GPSM2: variants seen among roughly 807,000 people sequenced by gnomAD.
GPSM2 encodes the protein G protein-signaling modulator 2.
A neutral mutation model predicts 78.4 loss-of-function variants in GPSM2; 58 were observed. That is an observed-to-expected ratio of 0.74 (90% CI 0.60 to 0.92). The LOEUF is 0.92. GPSM2 is among the 40% of genes least tolerant of loss of function. The pLI is 0.00. For missense variants in GPSM2, 700 were observed against 815.5 expected, an observed-to-expected ratio of 0.86 and a Z score of 1.73; for synonymous variants, 224 against 280.2, an observed-to-expected ratio of 0.80 and a Z score of 2.00.
At chr1:108,902,463 G>GCAACC (rs1648900491) in intron 8 of GPSM2, among the ~76,000 whole-genome samples, 1 of 152,094 alleles carries the variant, frequency 6.6e-6, no homozygotes, top group Non-Finnish European at 1.5e-5. Context: ...TGTGAAGGGG[G>GCAACC]CAACTGCTAC....
At chr1:108,897,729 C>T in intron 4 of GPSM2, 102 bp downstream of exon 4, 2 of 1,113,124 alleles carry the variant, frequency 1.8e-6, no homozygotes, top group Non-Finnish European at 2.5e-6. Context: ...AAATTAATAC[C>T]AAAAAAGAAA....
At chr1:108,878,301 C>A (rs571309114) in intron 1 of GPSM2, among the ~76,000 whole-genome samples, 1 of 152,288 alleles carries the variant, frequency 6.6e-6, no homozygotes, top group Admixed American at 6.5e-5. Context: ...CTCACACCTA[C>A]TTCTCTTTAC....
At position 108,933,210 on chromosome 1, in the gene GPSM2, T is replaced by C. The variant is rs1274265534; in HGVS notation, c.*3270T>C. On this transcript the variant is annotated 3_prime_UTR_variant, in exon 15 of 15. Coordinates refer to ENST00000264126, the MANE Select transcript of GPSM2 (RefSeq NM_013296.5). ...TTCCTGGATCCAAAAATGTGTATTC[T>C]GCATTTCAACAACTGAACTTAAGCG... The C allele has an allele frequency of 6.2e-4, 2 of 3,236 alleles. No homozygotes were observed. 0.2% of individuals were successfully genotyped at this position (3,236 alleles called of 1,614,324 possible). A position where few individuals can be genotyped will look rare whatever the true frequency, so the allele number is the denominator to read the frequency against.
chr1:108,923,947 G>T (rs1650926857), intron 13 of GPSM2, 53 bp from the exon 14 acceptor site: 2 of 1,098,590 alleles, frequency 1.8e-6, no homozygotes, highest in African/African-American at 1.7e-5. Context: ...AGGTTTTTTT[G>T]TTTTTTGTTT....
chr1:108,883,584 A>G (rs924151525), intron 1 of GPSM2, among the ~76,000 whole-genome samples: 1 of 152,224 alleles, frequency 6.6e-6, no homozygotes, highest in African/African-American at 2.4e-5. Context: ...TTATGATTGT[A>G]TATCTACCAA....
intron 1 of GPSM2, among the ~76,000 whole-genome samples, chr1:108,880,952 C>T (rs1451009675): frequency 6.6e-6 from 1 of 152,198 alleles, no homozygotes; most frequent in Admixed American, 6.5e-5. Context: ...AAACTTTTTA[C>T]TGCCAGTGGA....
intron 2 of GPSM2, among the ~76,000 whole-genome samples, chr1:108,890,817 C>T (rs1328998577): frequency 6.6e-6 from 1 of 151,946 alleles, no homozygotes; most frequent in Non-Finnish European, 1.5e-5. Context: ...CATCAGAATG[C>T]TTTATTGAAA....
chr1:108,904,435 A>T (rs910895530), intron 10 of GPSM2, among the ~76,000 whole-genome samples, 181 bp downstream of exon 10: 2 of 148,142 alleles, frequency 1.4e-5, no homozygotes, highest in Non-Finnish European at 3.0e-5. Flanking sequence ...TTTTGTATAT[A>T]ATATATATAT....
intron 14 of GPSM2, among the ~76,000 whole-genome samples, chr1:108,925,995 TTC>T (rs1040843464): frequency 2.1e-4 from 32 of 152,060 alleles, no homozygotes; most frequent in African/African-American, 7.2e-4. Flanking sequence ...CAAGTAGGAA[TTC>T]TCTCGGGCTG....
rs2101578287 is a variant in GPSM2, at chr1:108,930,011, G to A, written c.*71G>A. 7.3e-7 allele frequency: 1 copy of A among 1,376,232 alleles called. No individual in the cohort carries two copies. Among genetic ancestry groups the A allele is most frequent in the East Asian group, 2.3e-5 (1 of 43,696 alleles). The allele number at this position is 1,376,232 out of a possible 1,614,324, so 85.3% of individuals were successfully genotyped here. On this transcript the variant is annotated 3_prime_UTR_variant, in exon 15 of 15. Coordinates refer to ENST00000264126, the MANE Select transcript of GPSM2 (RefSeq NM_013296.5). ...AATCTATTACTTTTTTCCTTAAAAGGAGAATTTATAGCACTGTAATACAGC... is the reference window on the plus strand; with the variant it reads ...AATCTATTACTTTTTTCCTTAAAAGAAGAATTTATAGCACTGTAATACAGC...
intron 12 of GPSM2, among the ~76,000 whole-genome samples, chr1:108,920,257 T>C: frequency 6.6e-6 from 1 of 152,132 alleles, no homozygotes; most frequent in East Asian, 1.9e-4. Flanking sequence ...TCACTTGAAG[T>C]CAGGAGTTCA....
intron 10 of GPSM2, among the ~76,000 whole-genome samples, chr1:108,905,575 C>T (rs144627306): frequency 0.013 from 2,012 of 152,252 alleles, 33 homozygotes; most frequent in African/African-American, 0.043. Flanking sequence ...TTGCCACTCT[C>T]GTCTTTATTC....
At chr1:108,880,936 G>C (rs1259150187) in intron 1 of GPSM2, among the ~76,000 whole-genome samples, 1 of 152,174 alleles carries the variant, frequency 6.6e-6, no homozygotes, top group African/African-American at 2.4e-5. Context: ...ATGTAACCTG[G>C]TTTGCAAACT....
intron 10 of GPSM2, among the ~76,000 whole-genome samples, chr1:108,911,484 G>A (rs1479311136): frequency 1.3e-5 from 2 of 151,818 alleles, no homozygotes; most frequent in East Asian, 1.9e-4. Flanking sequence ...CCGAGATCAC[G>A]CCACTGCACT....
chr1:108,904,244 C>A lies in GPSM2; in HGVS notation c.1182C>A (p.Ser394Arg). 6.3e-7 allele frequency: 1 copy of A among 1,591,822 alleles called. No homozygotes were observed. Among genetic ancestry groups the A allele is most frequent in the Non-Finnish European group, 8.6e-7 (1 of 1,161,024 alleles). The change falls in exon 10 of 15, where the codon AGC becomes AGA. Residue 394 changes from serine (S) to arginine (R), a missense_variant. Ser to Arg is a moderately radical substitution (Grantham distance 110, BLOSUM62 -1). Coordinates refer to ENST00000264126, the MANE Select transcript of GPSM2 (RefSeq NM_013296.5). ...TGTCTGAAAATACTGAAATTGATAG[C>A]AGTTTGAATGGTAAGTAATAGGACT... Reference protein sequence around the residue: ...SIMSENTEIDSSLNGVRPKLG... With the variant: ...SIMSENTEIDRSLNGVRPKLG...
intron 6 of GPSM2, 29 bp from the exon 7 acceptor site, chr1:108,898,850 C>G: frequency 2.5e-6 from 4 of 1,592,014 alleles, no homozygotes; most frequent in Non-Finnish European, 3.4e-6. Context: ...TTTATTTTAT[C>G]TACATCTAAT....
At chr1:108,888,282 C>A (rs1027117286) in intron 2 of GPSM2, among the ~76,000 whole-genome samples, 3 of 151,976 alleles carry the variant, frequency 2.0e-5, no homozygotes, top group African/African-American at 7.3e-5. Context: ...GAACTCCTGA[C>A]CTCGGGTGAT....
chr1:108,900,333 C>T (rs67648221), intron 7 of GPSM2, among the ~76,000 whole-genome samples: 13,871 of 151,526 alleles, frequency 0.092, 688 homozygotes, highest in Non-Finnish European at 0.1. Flanking sequence ...TCGGCCTCCC[C>T]GGTTCAAGCG....
chr1:108,920,881 T>C (rs1189138960), intron 12 of GPSM2, among the ~76,000 whole-genome samples: 1 of 152,232 alleles, frequency 6.6e-6, no homozygotes, highest in African/African-American at 2.4e-5. Context: ...TTCAGAGTTT[T>C]GAATTCTAGG....
Sources: allele counts gnomAD v4.1 joint callset (sites outside exome capture counted in the v4.1 genomes callset), GRCh38; gene constraint gnomAD v4.1.1; transcripts MANE v1.5; gene names NCBI Gene and HGNC (gene_info 2026-07-23, HGNC 2026-07-21).